The following ABI3BP variants were observed in gnomAD, a reference collection of about 807,000 sequenced individuals.
The protein encoded by ABI3BP is target of Nesh-SH3.
Under a neutral mutation model 268.6 loss-of-function variants are expected in ABI3BP, and 216 were observed. The observed-to-expected ratio is 0.80, with a 90% CI of 0.72 to 0.90. The LOEUF is 0.90. Among genes scored for constraint, ABI3BP ranks in the 40% least tolerant of loss-of-function variants. ABI3BP has a pLI of 0.00. For synonymous variants in ABI3BP, 730 were observed against 730.0 expected (o/e 1.00, Z 0.00); for missense variants, 2,090 against 2,182.4 (o/e 0.96, Z 0.84).
intron 47 of ABI3BP, 69 bp from the exon 48 acceptor site, chr3:100,811,346 T>C (rs2097857254): frequency 2.6e-6 from 3 of 1,134,878 alleles, no homozygotes; most frequent in South Asian, 1.5e-5. Context: ...TTTTTGAATA[T>C]CAAATTTTAT....
At position 100,749,610 on chromosome 3, in the gene ABI3BP, G is replaced by A. The variant is rs1039712633; in HGVS notation, c.*885C>T. 41 of 397,844 alleles carry A rather than the reference G, an allele frequency of 1.0e-4. No individual in the cohort carries two copies. Among genetic ancestry groups the A allele is most frequent in the African/African-American group, 4.3e-4 (21 of 48,340 alleles). The allele number at this position is 397,844 out of a possible 1,614,324, so 24.6% of individuals were successfully genotyped here. A position where few individuals can be genotyped will look rare whatever the true frequency, so the allele number is the denominator to read the frequency against. The stretch of plus-strand genomic sequence containing the variant: ...TACATTCATTCATAGAGGTCTTAAC[G>A]TATAAATACATAGTAAATATCCTAT... On this transcript the variant is annotated 3_prime_UTR_variant, in exon 68 of 68. Transcript: ENST00000471714.
chr3:100,965,604 A>G (rs534027647), intron 1 of ABI3BP, among the ~76,000 whole-genome samples: 15 of 152,198 alleles, frequency 9.9e-5, no homozygotes, highest in Non-Finnish European at 1.9e-4. Context: ...AAATAAATTT[A>G]TTGAGAAACT....
intron 1 of ABI3BP, among the ~76,000 whole-genome samples, chr3:100,928,237 G>A (rs1435539407): frequency 6.6e-6 from 1 of 151,940 alleles, no homozygotes; most frequent in East Asian, 1.9e-4. Context: ...CCTGGATTAT[G>A]TTTTTTCTTT....
rs377054928 is a variant in ABI3BP, at chr3:100,959,151, G to C, written c.80-32670C>G. Among the ~76,000 whole-genome samples the C allele has an allele frequency of 7.5e-4, 114 of 152,266 alleles. 1 individual carries two copies. In the East Asian group the frequency reaches 0.019, roughly 25 times the overall value. On this transcript the variant is annotated intron_variant, in intron 1 of 67. Coordinates refer to ENST00000471714, the MANE Select transcript of ABI3BP (RefSeq NM_001375547.2). ...CAGACCATTAGAGACCTTCCACAGA[G>C]AGTGAGAAACCCCACTCGTAAGACC...
intron 1 of ABI3BP, among the ~76,000 whole-genome samples, chr3:100,940,829 T>TATATATATATATAGATAG (rs1244113888): frequency 2.4e-5 from 1 of 41,232 alleles, no homozygotes. Context: ...TATATATATA[T>TATATATATATATAGATAG]ATGATATGAT....
chr3:100,897,029 G>A (rs558400740), intron 4 of ABI3BP, among the ~76,000 whole-genome samples: 3 of 152,024 alleles, frequency 2.0e-5, no homozygotes, highest in Non-Finnish European at 4.4e-5. Flanking sequence ...CTTCATTTTA[G>A]TTTGATTTGG....
chr3:100,881,586 C>T (rs925854773), intron 6 of ABI3BP, among the ~76,000 whole-genome samples: 3 of 151,258 alleles, frequency 2.0e-5, no homozygotes, highest in African/African-American at 4.9e-5. Flanking sequence ...AAATATTAGC[C>T]ATCATTCTTT....
intron 4 of ABI3BP, among the ~76,000 whole-genome samples, chr3:100,887,052 G>A (rs1283702250): frequency 6.6e-6 from 1 of 151,928 alleles, no homozygotes; most frequent in Non-Finnish European, 1.5e-5. Context: ...AAACATCTTA[G>A]CTGGTAGAAA....
chr3:100,870,451 C>T (rs536042994), intron 9 of ABI3BP, among the ~76,000 whole-genome samples: 2 of 151,896 alleles, frequency 1.3e-5, no homozygotes, highest in African/African-American at 2.4e-5. Flanking sequence ...AAGTGCTCAA[C>T]GTCACTGATC....
intron 1 of ABI3BP, among the ~76,000 whole-genome samples, chr3:100,953,435 G>A (rs907414619): frequency 3.3e-5 from 5 of 152,166 alleles, no homozygotes; most frequent in African/African-American, 1.2e-4. Context: ...TAAATAGCGT[G>A]TATGCAAAAA....
At chr3:100,813,829 C>A in intron 44 of ABI3BP, 94 bp from the exon 45 acceptor site, 1 of 1,075,088 alleles carries the variant, frequency 9.3e-7, no homozygotes, top group East Asian at 2.6e-5. Context: ...ATACACAGAC[C>A]CTGAAAATCA....
At position 100,823,621 on chromosome 3, in the gene ABI3BP, A is replaced by AC. The variant is rs892889900; in HGVS notation, c.2747-108_2747-107insG. Reference sequence around the variant, plus strand: ...GTATGTCAATTCTTCCAGAGAAACAAAAAAAAAATTAACTTCTTAACTGAA... The same window carrying AC: ...GTATGTCAATTCTTCCAGAGAAACAACAAAAAAAATTAACTTCTTAACTGAA... On this transcript the variant is annotated intron_variant, in intron 36 of 67. Coordinates refer to ENST00000471714, the MANE Select transcript of ABI3BP (RefSeq NM_001375547.2). The AC allele has an allele frequency of 2.1e-4, 175 of 833,602 alleles. 1 individual carries two copies. The African/African-American group carries it at 2.5e-3, about 12-fold the overall frequency. The allele number at this position is 833,602 out of a possible 1,614,324, so 51.6% of individuals were successfully genotyped here.
intron 12 of ABI3BP, chr3:100,863,521 G>A (rs557619710): frequency 8.5e-4 from 133 of 157,322 alleles, no homozygotes; most frequent in Non-Finnish European, 1.5e-3. Flanking sequence ...TCACCAGGTT[G>A]GCCAGGGTGG....
At chr3:100,959,964 A>G (rs187695279) in intron 1 of ABI3BP, among the ~76,000 whole-genome samples, 2 of 152,384 alleles carry the variant, frequency 1.3e-5, no homozygotes, top group East Asian at 3.9e-4. Flanking sequence ...GTTTTTTTAA[A>G]AAAAATTTGC....
At chr3:100,920,337 A>C (rs1334767350) in intron 2 of ABI3BP, among the ~76,000 whole-genome samples, 2 of 152,224 alleles carry the variant, frequency 1.3e-5, no homozygotes, top group African/African-American at 4.8e-5. Context: ...AAATTTTCCA[A>C]GGCCACTCTG....
At chr3:100,891,447 C>T (rs563780029) in intron 4 of ABI3BP, among the ~76,000 whole-genome samples, 2 of 152,316 alleles carry the variant, frequency 1.3e-5, no homozygotes, top group East Asian at 3.9e-4. Flanking sequence ...CTGCATTAAC[C>T]ATTTTACATG....
chr3:100,774,304 T>C (rs1161449881), intron 61 of ABI3BP, among the ~76,000 whole-genome samples: 3 of 152,196 alleles, frequency 2.0e-5, no homozygotes, highest in Non-Finnish European at 2.9e-5. Flanking sequence ...ATTACGAAAA[T>C]GGCTTCCCCT....
chr3:100,847,492 G>T (rs543424110), intron 19 of ABI3BP, 110 bp downstream of exon 19: 17 of 951,344 alleles, frequency 1.8e-5, no homozygotes, highest in Admixed American at 3.8e-5. Flanking sequence ...CTGTTCAAAT[G>T]AACCGTTTTG....
At chr3:100,930,466 G>A (rs2063248803) in intron 1 of ABI3BP, among the ~76,000 whole-genome samples, 1 of 151,622 alleles carries the variant, frequency 6.6e-6, no homozygotes, top group Non-Finnish European at 1.5e-5. Flanking sequence ...TTCAAAGAGT[G>A]TTAAGAAATT....
Sources: gnomAD v4.1 joint callset for allele counts (sites outside exome capture counted in the v4.1 genomes callset) on GRCh38, gnomAD v4.1.1 for gene constraint, MANE v1.5 for transcripts, NCBI Gene and HGNC (gene_info 2026-07-23, HGNC 2026-07-21) for gene names.